Variants in THSD7A observed in about 807,000 individuals in gnomAD.
The protein encoded by THSD7A is thrombospondin type-1 domain-containing protein 7A.
In THSD7A, 96 loss-of-function variants were observed where a neutral mutation model predicts 231.3. That is an observed-to-expected ratio of 0.41 (90% confidence interval 0.35 to 0.49). THSD7A has a LOEUF of 0.49. Ranked by LOEUF, THSD7A falls within the 20% of genes least tolerant of loss-of-function variation. THSD7A has a pLI of 0.05. For synonymous variants in THSD7A, 940 were observed against 743.3 expected (o/e 1.26, Z -4.30); for missense variants, 2,290 against 2,070.2 (o/e 1.11, Z -2.06).
At chr7:11,498,488 G>A (rs947943386) in intron 6 of THSD7A, among the ~76,000 whole-genome samples, 1 of 152,098 alleles carries the variant, frequency 6.6e-6, no homozygotes, top group Non-Finnish European at 1.5e-5. Flanking sequence ...ATTCCCCCTG[G>A]GACTGCACTC....
At chr7:11,383,342 T>C (rs1782600487) in intron 23 of THSD7A, among the ~76,000 whole-genome samples, 1 of 152,044 alleles carries the variant, frequency 6.6e-6, no homozygotes, top group East Asian at 1.9e-4. Flanking sequence ...TTGTACTACA[T>C]AACACAGTTT....
intron 2 of THSD7A, among the ~76,000 whole-genome samples, chr7:11,624,861 T>A (rs1039044781): frequency 6.6e-6 from 1 of 152,144 alleles, no homozygotes; most frequent in Non-Finnish European, 1.5e-5. Flanking sequence ...GAATTGGAAC[T>A]AGGTAGTGAC....
At chr7:11,541,733 T>C in intron 5 of THSD7A, 102 bp from the exon 6 acceptor site, 2 of 1,069,962 alleles carry the variant, frequency 1.9e-6, no homozygotes, top group Admixed American at 4.3e-5. Flanking sequence ...AGAGTGGAGG[T>C]AGAAGTCATT....
chr7:11,797,783 T>C (rs1210066939), intron 1 of THSD7A, among the ~76,000 whole-genome samples: 1 of 152,134 alleles, frequency 6.6e-6, no homozygotes, highest in Non-Finnish European at 1.5e-5. Context: ...GCTAAATTAA[T>C]TTCTAAATAA....
chr7:11,555,867 C>T (rs545813950), intron 4 of THSD7A, among the ~76,000 whole-genome samples: 180 of 151,556 alleles, frequency 1.2e-3, no homozygotes, highest in Middle Eastern at 3.4e-3. Flanking sequence ...TGCTTTGATG[C>T]CTAATTTATT....
chr7:11,767,696 T>C (rs896940479), intron 1 of THSD7A, among the ~76,000 whole-genome samples: 2 of 152,018 alleles, frequency 1.3e-5, no homozygotes, highest in African/African-American at 4.8e-5. Flanking sequence ...CCTAGAAGAG[T>C]TGCTGGCATA....
chr7:11,511,833 A>G (rs1787821338), intron 6 of THSD7A, among the ~76,000 whole-genome samples: 2 of 152,368 alleles, frequency 1.3e-5, no homozygotes, highest in African/African-American at 4.8e-5. Context: ...TAAAAACCCT[A>G]GAAGAAAACC....
At chr7:11,583,025 T>C (rs1233543804) in intron 4 of THSD7A, among the ~76,000 whole-genome samples, 1 of 152,150 alleles carries the variant, frequency 6.6e-6, no homozygotes, top group African/African-American at 2.4e-5. Context: ...ATCCTCATTT[T>C]TATTGTCAAC....
intron 1 of THSD7A, among the ~76,000 whole-genome samples, chr7:11,716,092 A>C (rs1189646153): frequency 1.3e-5 from 2 of 151,570 alleles, no homozygotes; most frequent in Admixed American, 6.6e-5. Context: ...TAGAACACTA[A>C]GTTAACATCA....
intron 1 of THSD7A, among the ~76,000 whole-genome samples, chr7:11,732,392 G>A (rs761527878): frequency 6.6e-6 from 1 of 151,764 alleles, no homozygotes; most frequent in African/African-American, 2.4e-5. Context: ...ACTGCCGGAC[G>A]CATAGTGCAA....
In THSD7A at chr7:11,447,301, G is replaced by C; in HGVS notation, c.2729C>G (p.Thr910Ser). ...QIPCQDDCQL[T>S]SWSKFSSCNG... ...GCATGAAGAAAACTTGGACCAGCTG[G>C]TCAATTGACAGTCATCCTGGCAGGG... is the stretch of plus-strand genomic sequence containing the variant. The change falls in exon 12 of 28, where the codon ACC becomes AGC. Residue 910 changes from threonine (T) to serine (S), a missense_variant. Coordinates refer to ENST00000423059, the MANE Select transcript of THSD7A (RefSeq NM_015204.3). 1 of 1,613,126 alleles carries C rather than the reference G, an allele frequency of 6.2e-7. No homozygotes were observed. The highest frequency in any genetic ancestry group is 8.5e-7 in the Non-Finnish European group (1 of 1,179,482).
rs566545187 is a variant in THSD7A, at chr7:11,632,481, A to G, written c.1022+3649T>C. Among the ~76,000 whole-genome samples the G allele has an allele frequency of 3.3e-5, 5 of 152,192 alleles. No homozygotes were observed. The highest frequency in any genetic ancestry group is 4.1e-4 in the South Asian group (2 of 4,822). On this transcript the variant is annotated intron_variant, in intron 2 of 27. Coordinates refer to ENST00000423059, the MANE Select transcript of THSD7A (RefSeq NM_015204.3). The surrounding 1 kb of genome is among the most constrained non-coding windows in gnomAD (Gnocchi z 4.1). Reference sequence around the variant, plus strand: ...GATTTTTTTATTGTTTATATTTTCAATTGATTAGCTGGAGTATTCCAGAAT... The same window carrying G: ...GATTTTTTTATTGTTTATATTTTCAGTTGATTAGCTGGAGTATTCCAGAAT...
chr7:11,611,583 T>C (rs1003865019), intron 2 of THSD7A, among the ~76,000 whole-genome samples: 1 of 151,930 alleles, frequency 6.6e-6, no homozygotes, highest in Non-Finnish European at 1.5e-5. Context: ...GCATTAAACA[T>C]CATTATTTGT....
At chr7:11,608,604 C>A (rs1780815138) in intron 2 of THSD7A, among the ~76,000 whole-genome samples, 1 of 152,074 alleles carries the variant, frequency 6.6e-6, no homozygotes, top group Admixed American at 6.6e-5. Flanking sequence ...AGAACCTAAT[C>A]ATAAAATGTA....
At chr7:11,504,228 A>G (rs1181690945) in intron 6 of THSD7A, among the ~76,000 whole-genome samples, 1 of 152,188 alleles carries the variant, frequency 6.6e-6, no homozygotes, top group South Asian at 2.1e-4. Flanking sequence ...CAAATACCAC[A>G]TGCTTTCACC....
At chr7:11,729,871 A>T (rs574260601) in intron 1 of THSD7A, among the ~76,000 whole-genome samples, 11 of 151,906 alleles carry the variant, frequency 7.2e-5, no homozygotes, top group African/African-American at 2.4e-4. Flanking sequence ...TTGTTTAAAA[A>T]TATTTTAGAT....
intron 1 of THSD7A, among the ~76,000 whole-genome samples, chr7:11,722,005 G>C (rs1051286081): frequency 6.6e-6 from 1 of 151,748 alleles, no homozygotes; most frequent in African/African-American, 2.4e-5. Context: ...CTCTTGGTCT[G>C]GTTAGTTTCT....
At chr7:11,687,900 C>T (rs4570036) in intron 1 of THSD7A, among the ~76,000 whole-genome samples, 62,635 of 150,804 alleles carry the variant, frequency 0.42, 13,456 homozygotes, top group African/African-American at 0.51. Flanking sequence ...TTTTTTAAGG[C>T]GAATTTTATT....
At chr7:11,542,005 G>A (rs1271421964) in intron 5 of THSD7A, among the ~76,000 whole-genome samples, 1 of 152,182 alleles carries the variant, frequency 6.6e-6, no homozygotes, top group African/African-American at 2.4e-5. Context: ...TTCAAAGAAG[G>A]AGTGAAATTT....
Sources: allele counts gnomAD v4.1 joint callset (sites outside exome capture counted in the v4.1 genomes callset), GRCh38; gene constraint gnomAD v4.1.1; non-coding constraint Gnocchi (gnomAD v3.1); transcripts MANE v1.5; gene names NCBI Gene and HGNC (gene_info 2026-07-23, HGNC 2026-07-21).